IL1RAP: variants seen among roughly 807,000 people sequenced by gnomAD.
The protein encoded by IL1RAP is interleukin-1 receptor accessory protein.
A neutral mutation model predicts 60.7 loss-of-function variants in IL1RAP; 35 were observed. That is an observed-to-expected ratio of 0.58 (90% CI 0.44 to 0.76). The LOEUF is 0.76. Ranked by LOEUF, IL1RAP falls within the 30% of genes least tolerant of loss-of-function variation. The pLI, the probability that IL1RAP is intolerant of heterozygous loss-of-function variation, is 0.00. For synonymous variants in IL1RAP, 268 were observed against 250.9 expected, an observed-to-expected ratio of 1.07 and a Z score of -0.64; for missense variants, 572 against 693.9, an observed-to-expected ratio of 0.82 and a Z score of 1.97.
At chr3:190,578,630 G>A (rs12632135) in intron 3 of IL1RAP, among the ~76,000 whole-genome samples, 11,018 of 152,194 alleles carry the variant, frequency 0.072, 521 homozygotes, top group Middle Eastern at 0.22. Flanking sequence ...TCCTCCATCA[G>A]TCTACTAATA....
At chr3:190,562,693 T>TA (rs1725998275) in intron 2 of IL1RAP, among the ~76,000 whole-genome samples, 15 of 68,070 alleles carry the variant, frequency 2.2e-4, no homozygotes, top group African/African-American at 7.1e-4. Flanking sequence ...ACATATCTCG[T>TA]CCACACACAC....
Position 190,604,275 on chromosome 3 carries a change from A to G in IL1RAP, c.212A>G (p.Tyr71Cys), listed in dbSNP as rs1472539010. 1 of 1,613,890 alleles carries G rather than the reference A, an allele frequency of 6.2e-7. No homozygotes were observed. ...AHSAGLTLIW[Y>C]WTRQDRDLEE... ...TCAGCTGGCCTTACTCTGATCTGGTATTGGACTAGGCAGGACCGGGACCTT... is the reference window on the plus strand; with the variant it reads ...TCAGCTGGCCTTACTCTGATCTGGTGTTGGACTAGGCAGGACCGGGACCTT... The change falls in exon 4 of 12, where the codon TAT (tyrosine) becomes TGT (cysteine). Residue 71 changes from tyrosine to cysteine, a missense_variant. Tyr to Cys is a radical substitution (Grantham distance 194, BLOSUM62 -2). Transcript: ENST00000447382.
At chr3:190,598,108 G>A (rs1208717020) in intron 3 of IL1RAP, among the ~76,000 whole-genome samples, 1 of 152,120 alleles carries the variant, frequency 6.6e-6, no homozygotes. Context: ...TGTAGAGTGG[G>A]TTATAGGAAA....
chr3:190,644,296 C>A lies in IL1RAP; in HGVS notation c.1100C>A (p.Thr367Lys). The change falls in exon 10 of 12, where the codon ACA becomes AAA. Residue 367 changes from threonine to lysine, a missense_variant. Thr to Lys is a moderately conservative substitution (Grantham distance 78). Coordinates refer to ENST00000447382, the MANE Select transcript of IL1RAP (RefSeq NM_002182.4). ...GAACTGGCTTGTGGTTTTGGAGCCA[C>A]AGTCCTGCTAGTGGTGATTCTCATT... is the stretch of plus-strand genomic sequence containing the variant. ...TVELACGFGA[T>K]VLLVVILIVV... 3 of 1,613,800 alleles carry A rather than the reference C, an allele frequency of 1.9e-6. No individual in the cohort carries two copies. Among genetic ancestry groups the A allele is most frequent in the Non-Finnish European group, 2.5e-6 (3 of 1,179,844 alleles).
At chr3:190,599,278 C>T (rs1001759814) in intron 3 of IL1RAP, among the ~76,000 whole-genome samples, 25 of 152,180 alleles carry the variant, frequency 1.6e-4, no homozygotes, top group African/African-American at 5.1e-4. Context: ...ACACATCCCC[C>T]GAAGCTCCCT....
At chr3:190,553,438 A>C (rs763923179) in intron 1 of IL1RAP, among the ~76,000 whole-genome samples, 14 of 152,174 alleles carry the variant, frequency 9.2e-5, no homozygotes, top group African/African-American at 3.1e-4. Flanking sequence ...GGAAAGAAAA[A>C]AATTTTTTTT....
intron 8 of IL1RAP, among the ~76,000 whole-genome samples, chr3:190,628,001 A>T (rs1290563713): frequency 6.6e-6 from 1 of 152,118 alleles, no homozygotes; most frequent in East Asian, 1.9e-4. Context: ...TACATTTATA[A>T]TTAGTAATTT....
At chr3:190,562,677 A>G (rs1725994578) in intron 2 of IL1RAP, among the ~76,000 whole-genome samples, 1 of 147,134 alleles carries the variant, frequency 6.8e-6, no homozygotes, top group Non-Finnish European at 1.5e-5. Flanking sequence ...GCTTGCCTGT[A>G]TCAAAACATA....
intron 5 of IL1RAP, among the ~76,000 whole-genome samples, chr3:190,615,569 A>T (rs75697115): frequency 6.6e-6 from 1 of 152,344 alleles, no homozygotes; most frequent in East Asian, 1.9e-4. Context: ...GATTACATTT[A>T]TGACAGCTGC....
chr3:190,639,170 T>C (rs1447157699), intron 9 of IL1RAP, among the ~76,000 whole-genome samples: 1 of 152,168 alleles, frequency 6.6e-6, no homozygotes, highest in East Asian at 1.9e-4. Context: ...ATTTTTCCTT[T>C]ACTGTGAACA....
At position 190,623,389 on chromosome 3, in the gene IL1RAP, A is replaced by G; in HGVS notation, c.749A>G (p.Asp250Gly). ...AVPPVIHSPN[D>G]HVVYEKEPGE... is the part of the protein sequence containing the mutation. ...CCCCCTGTGATCCATTCACCTAATG[A>G]TCATGTGGTCTATGAGAAAGAACCA... The change falls in exon 7 of 12, where the codon GAT becomes GGT. Residue 250 changes from aspartate (D) to glycine (G), a missense_variant. Asp to Gly is a moderately conservative substitution (Grantham distance 94). Coordinates refer to ENST00000447382, the MANE Select transcript of IL1RAP (RefSeq NM_002182.4). The G allele has an allele frequency of 6.2e-7, 1 of 1,613,300 alleles. No homozygotes were observed. The highest frequency in any genetic ancestry group is 1.3e-5 in the African/African-American group (1 of 75,036).
intron 3 of IL1RAP, among the ~76,000 whole-genome samples, chr3:190,584,820 G>C (rs1016545160): frequency 3.9e-5 from 6 of 151,984 alleles, no homozygotes; most frequent in Non-Finnish European, 7.4e-5. Context: ...TAAAAATCTT[G>C]CTCCCAGGCC....
chr3:190,557,795 A>C (rs1027066512), intron 2 of IL1RAP, among the ~76,000 whole-genome samples: 1 of 152,202 alleles, frequency 6.6e-6, no homozygotes, highest in Non-Finnish European at 1.5e-5. Context: ...ATATATTTCT[A>C]ATTAATGCAC....
rs1189131159 is a variant in IL1RAP, at chr3:190,594,590, A to G, written c.65-9538A>G. ...AAACCTTTTCTATTAGCCAGAACCT[A>G]GTCACCTGACCACATCCAGGTGAGA... On this transcript the variant is annotated intron_variant, in intron 3 of 11. Coordinates refer to ENST00000447382, the MANE Select transcript of IL1RAP (RefSeq NM_002182.4). Among the ~76,000 whole-genome samples the G allele has an allele frequency of 3.3e-5, 5 of 152,314 alleles. No individual in the cohort carries two copies. The East Asian group carries it at 7.7e-4, about 24-fold the overall frequency.
chr3:190,605,943 T>C (rs1468372779), intron 4 of IL1RAP, among the ~76,000 whole-genome samples: 1 of 152,164 alleles, frequency 6.6e-6, no homozygotes, highest in Non-Finnish European at 1.5e-5. Context: ...ATCACAAATG[T>C]TTTTTCTCTC....
At chr3:190,524,778 C>T (rs1412379746) in intron 1 of IL1RAP, among the ~76,000 whole-genome samples, 1 of 151,762 alleles carries the variant, frequency 6.6e-6, no homozygotes, top group Non-Finnish European at 1.5e-5. Flanking sequence ...ATTATTTGTC[C>T]CCAAGAAGTA....
chr3:190,543,525 C>T (rs1046632038), intron 1 of IL1RAP, among the ~76,000 whole-genome samples: 10 of 152,012 alleles, frequency 6.6e-5, no homozygotes, highest in East Asian at 5.8e-4. Context: ...GCATAGCTAA[C>T]GTTTTAGGAA....
chr3:190,598,103 A>C (rs572874359), intron 3 of IL1RAP, among the ~76,000 whole-genome samples: 1 of 152,292 alleles, frequency 6.6e-6, no homozygotes, highest in East Asian at 1.9e-4. Context: ...CACATTGTAG[A>C]GTGGGTTATA....
intron 5 of IL1RAP, among the ~76,000 whole-genome samples, chr3:190,610,292 T>C (rs1730708641): frequency 6.6e-6 from 1 of 151,916 alleles, no homozygotes; most frequent in Non-Finnish European, 1.5e-5. Flanking sequence ...AACTACTATT[T>C]CCTAAGTGAG....
Sources: allele counts gnomAD v4.1 joint callset (sites outside exome capture counted in the v4.1 genomes callset), GRCh38; gene constraint gnomAD v4.1.1; transcripts MANE v1.5; gene names NCBI Gene and HGNC (gene_info 2026-07-23, HGNC 2026-07-21).